The following RCOR1 variants were observed in gnomAD, a reference collection of about 807,000 sequenced individuals.
RCOR1 encodes the protein REST corepressor 1.
Under a neutral mutation model 64.0 loss-of-function variants are expected in RCOR1, and 12 were observed. That is an observed-to-expected ratio of 0.19 (90% CI 0.12 to 0.30). The LOEUF (loss-of-function observed/expected upper bound fraction) is 0.30. Among genes scored for constraint, RCOR1 ranks in the 10% least tolerant of loss-of-function variants. The pLI is 1.00. For synonymous variants in RCOR1, 279 were observed against 227.2 expected (o/e 1.23, Z -2.05); for missense variants, 502 against 621.2 (o/e 0.81, Z 2.04).
At chr14:102,648,052 C>G (rs1271378872) in intron 2 of RCOR1, among the ~76,000 whole-genome samples, 1 of 152,092 alleles carries the variant, frequency 6.6e-6, no homozygotes, top group African/African-American at 2.4e-5. Flanking sequence ...ACTCCTGTGT[C>G]CTTTTGACAA....
At chr14:102,707,274 C>T in intron 4 of RCOR1, 77 bp from the exon 5 acceptor site, 6 of 1,070,366 alleles carry the variant, frequency 5.6e-6, no homozygotes, top group African/African-American at 1.6e-5. Flanking sequence ...GTCGTTTTTA[C>T]TTTTCTTTTG....
At chr14:102,714,733 C>G (rs534292103) in intron 8 of RCOR1, 116 bp downstream of exon 8, 1 of 800,080 alleles carries the variant, frequency 1.2e-6, no homozygotes, top group Non-Finnish European at 1.9e-6. Context: ...CATTTTGTTT[C>G]GAAGGAATTG....
intron 2 of RCOR1, chr14:102,655,951 T>TCTCA (rs368929350): frequency 1.6e-5 from 14 of 872,598 alleles, no homozygotes; most frequent in South Asian, 1.1e-4. Context: ...AGACTTTTTG[T>TCTCA]CACACACACA....
chr14:102,708,341 C>G, intron 5 of RCOR1, 124 bp from the exon 6 acceptor site: 1 of 623,856 alleles, frequency 1.6e-6, no homozygotes, highest in South Asian at 1.5e-5. Flanking sequence ...ACCTCGTGAT[C>G]CGCCTGCCTT....
chr14:102,645,600 C>T (rs1428832024), intron 2 of RCOR1, among the ~76,000 whole-genome samples: 1 of 152,210 alleles, frequency 6.6e-6, no homozygotes, highest in African/African-American at 2.4e-5. Flanking sequence ...CCACCTGCCA[C>T]CCAGCCCCAA....
chr14:102,715,702 A>G (rs1190829394), intron 8 of RCOR1, among the ~76,000 whole-genome samples: 1 of 152,126 alleles, frequency 6.6e-6, no homozygotes, highest in African/African-American at 2.4e-5. Context: ...GATTTTTAAA[A>G]CCATAAGTTG....
In RCOR1 at chr14:102,714,625, T is replaced by C. The variant is rs570229787; in HGVS notation, c.1053+8T>C. 1 of 1,587,726 alleles carries C rather than the reference T, an allele frequency of 6.3e-7. No individual in the cohort carries two copies. The highest frequency in any genetic ancestry group is 1.4e-5 in the African/African-American group (1 of 73,906). Reference sequence around the variant, plus strand: ...GTTTCAGTCAAACGACAGGTACTCATAAGCCTGGTCTTGGATGTAAAAGAA... The same window carrying C: ...GTTTCAGTCAAACGACAGGTACTCACAAGCCTGGTCTTGGATGTAAAAGAA... On this transcript the variant is annotated splice_region_variant and intron_variant, in intron 8 of 11. Coordinates refer to ENST00000262241, the MANE Select transcript of RCOR1 (RefSeq NM_015156.4).
intron 2 of RCOR1, among the ~76,000 whole-genome samples, chr14:102,603,978 T>G (rs1893453513): frequency 6.6e-6 from 1 of 152,170 alleles, no homozygotes; most frequent in Non-Finnish European, 1.5e-5. Context: ...TAATATTATG[T>G]GTGTTGCGGG....
chr14:102,641,619 A>G (rs926530117), intron 2 of RCOR1, among the ~76,000 whole-genome samples: 3 of 152,094 alleles, frequency 2.0e-5, no homozygotes, highest in Non-Finnish European at 4.4e-5. Flanking sequence ...AAAAATAATA[A>G]TATTTATGCC....
chr14:102,658,092 A>T (rs1243514037), intron 2 of RCOR1: 3 of 279,940 alleles, frequency 1.1e-5, no homozygotes, highest in Non-Finnish European at 1.6e-5. Context: ...CTCCTGCCTC[A>T]GCCTCCCAAG....
At chr14:102,673,493 T>C (rs982419224) in intron 2 of RCOR1, among the ~76,000 whole-genome samples, 3 of 151,546 alleles carry the variant, frequency 2.0e-5, no homozygotes, top group South Asian at 2.1e-4. Context: ...CCCACTACCA[T>C]GCCCGGCTAA....
chr14:102,594,199 A>C (rs1310928633), intron 2 of RCOR1, among the ~76,000 whole-genome samples: 1 of 152,184 alleles, frequency 6.6e-6, no homozygotes, highest in Non-Finnish European at 1.5e-5. Context: ...ACTGTCTTTA[A>C]AGGTTGTTGG....
At chr14:102,660,390 T>C (rs1894805067) in intron 2 of RCOR1, among the ~76,000 whole-genome samples, 1 of 152,108 alleles carries the variant, frequency 6.6e-6, no homozygotes, top group Non-Finnish European at 1.5e-5. Context: ...TTAACTTCTT[T>C]CCCCCCTTTT....
intron 4 of RCOR1, among the ~76,000 whole-genome samples, chr14:102,705,131 CAAAA>C (rs890869291): frequency 1.3e-4 from 20 of 149,274 alleles, no homozygotes; most frequent in Admixed American, 1.1e-3. Flanking sequence ...ACAACAACAA[CAAAA>C]AAAAAGAGGG....
chr14:102,655,478 A>G (rs1055082465), intron 2 of RCOR1: 2 of 980,356 alleles, frequency 2.0e-6, no homozygotes, highest in Non-Finnish European at 2.4e-6. Flanking sequence ...GTATTTTCCT[A>G]TGTTTTTTAT....
chr14:102,637,131 AT>A (rs370969846), intron 2 of RCOR1, among the ~76,000 whole-genome samples: 3,007 of 141,418 alleles, frequency 0.021, 83 homozygotes, highest in African/African-American at 0.068. Flanking sequence ...TTGTTTTTTT[AT>A]TTTTTTTTTT....
At chr14:102,712,779 G>A (rs1296816888) in intron 7 of RCOR1, among the ~76,000 whole-genome samples, 1 of 151,112 alleles carries the variant, frequency 6.6e-6, no homozygotes, top group East Asian at 1.9e-4. Flanking sequence ...AGATTGTTTG[G>A]GAAATCAAAT....
chr14:102,673,835 G>A lies in RCOR1; in HGVS notation c.362-8060G>A, dbSNP rs541796026. ...TCTCCATGTTGCTCAGGCTGGTCTC[G>A]AACTCCCGACTTCAGGTGATCCGCC... On this transcript the variant is annotated intron_variant, in intron 2 of 11. Coordinates refer to ENST00000262241, the MANE Select transcript of RCOR1 (RefSeq NM_015156.4). Among the ~76,000 whole-genome samples, 14 of 150,684 alleles carry A rather than the reference G, an allele frequency of 9.3e-5. 1 individual carries two copies. The South Asian group carries it at 1.9e-3, about 20-fold the overall frequency.
Position 102,592,651 on chromosome 14 carries a change from T to G in RCOR1, c.-236T>G, listed in dbSNP as rs1321377007. On this transcript the variant is annotated 5_prime_UTR_variant, in exon 1 of 12. Coordinates refer to ENST00000262241, the MANE Select transcript of RCOR1 (RefSeq NM_015156.4). ...CGCTCGCTGCTCCCGGAGTAGTTGGTGCCAGTGAAGTGAGGGCGGCGATGA... is the reference window on the plus strand; with the variant it reads ...CGCTCGCTGCTCCCGGAGTAGTTGGGGCCAGTGAAGTGAGGGCGGCGATGA... 13 of 1,209,092 alleles carry G rather than the reference T, an allele frequency of 1.1e-5. No homozygotes were observed. Among genetic ancestry groups the G allele is most frequent in the Non-Finnish European group, 1.3e-5 (13 of 975,360 alleles). The allele number at this position is 1,209,092 out of a possible 1,614,324, so 74.9% of individuals were successfully genotyped here. A position where few individuals can be genotyped will look rare whatever the true frequency, so the allele number is the denominator to read the frequency against.
Sources: allele counts gnomAD v4.1 joint callset (sites outside exome capture counted in the v4.1 genomes callset), GRCh38; gene constraint gnomAD v4.1.1; transcripts MANE v1.5; gene names NCBI Gene and HGNC (gene_info 2026-07-23, HGNC 2026-07-21).